PTPRT: variants seen among roughly 807,000 people sequenced by gnomAD.
PTPRT encodes the protein receptor-type tyrosine-protein phosphatase T.
PTPRT carries 56 observed loss-of-function variants against 176.8 expected under a neutral mutation model. The observed-to-expected ratio is 0.32, with a 90% CI of 0.26 to 0.40. The LOEUF is 0.40. PTPRT is among the 10% of genes least tolerant of loss of function. The pLI is 1.00. For synonymous variants in PTPRT, 783 were observed against 739.0 expected, an observed-to-expected ratio of 1.06 and a Z score of -0.96; for missense variants, 1,540 against 1,908.2, an observed-to-expected ratio of 0.81 and a Z score of 3.60.
Position 42,248,715 on chromosome 20 carries a change from G to C in PTPRT, c.2284C>G (p.Leu762Val). 1 of 1,613,998 alleles carries C rather than the reference G, an allele frequency of 6.2e-7. No homozygotes were observed. The highest frequency in any genetic ancestry group is 1.3e-5 in the African/African-American group (1 of 75,020). Reference sequence around the variant, plus strand: ...CTTTTGATGGTGAGCATCACGCCCAGGAGAATGATGATGAACATGAGGAGG... The same window carrying C: ...CTTTTGATGGTGAGCATCACGCCCACGAGAATGATGATGAACATGAGGAGG... ...AGLLMFIIIL[L>V]GVMLTIKRRR... The change falls in exon 14 of 31, where the codon CTG becomes GTG. Residue 762 changes from leucine (L) to valine (V), a missense_variant. By Grantham distance (32) the Leu-to-Val change is conservative (BLOSUM62 1). Around this residue, in one of 11 missense-constraint regions of PTPRT, gnomAD observed 255 missense variants for 250.1 expected, o/e 1.02. Transcript: ENST00000373187.
chr20:42,664,667 C>T (rs975484489), intron 7 of PTPRT, among the ~76,000 whole-genome samples: 25 of 152,088 alleles, frequency 1.6e-4, no homozygotes, highest in African/African-American at 6.0e-4. Flanking sequence ...TGGGGTCCTG[C>T]TATGTTGCCC....
At chr20:42,645,376 A>G (rs959071681) in intron 7 of PTPRT, among the ~76,000 whole-genome samples, 2 of 152,188 alleles carry the variant, frequency 1.3e-5, no homozygotes, top group African/African-American at 4.8e-5. Context: ...TTTCTAAGGT[A>G]TATGTGTGTC....
intron 8 of PTPRT, among the ~76,000 whole-genome samples, chr20:42,449,386 C>G (rs867395210): frequency 6.6e-6 from 1 of 152,200 alleles, no homozygotes; most frequent in South Asian, 2.1e-4. Context: ...TTACAACAGT[C>G]TGGAAGACGG....
At position 42,726,057 on chromosome 20, in the gene PTPRT, TTTATTATTA is replaced by T. The variant is rs59329244; in HGVS notation, c.859+30396_859+30404del. Among the ~76,000 whole-genome samples, 591 of 142,298 alleles carry T rather than the reference TTTATTATTA, an allele frequency of 4.2e-3. 5 individuals carry two copies. Among genetic ancestry groups the T allele is most frequent in the African/African-American group, 0.013 (499 of 38,486 alleles). The allele number at this position is 142,298 out of a possible 152,430, so 93.4% of individuals were successfully genotyped here. ...TTCTGGACAGTAGAATGTGGGCATC[TTTATTATTA>T]TTATTATTATTATTATTATTATTAT... is the stretch of plus-strand genomic sequence containing the variant. On this transcript the variant is annotated intron_variant, in intron 6 of 30. Transcript: ENST00000373187.
rs191728796 is a variant in PTPRT at position 42,754,235 on chromosome 20, G to T, written c.859+2227C>A. Among the ~76,000 whole-genome samples the T allele has an allele frequency of 7.9e-5, 12 of 152,260 alleles. No homozygotes were observed. In the East Asian group the frequency reaches 2.3e-3, roughly 29 times the overall value. Reference sequence around the variant, plus strand: ...GAGTCTCGCTCAGCCGCCCAGGCTGGATTGCAGTGGCATGATCTCAGCTCA... The same window carrying T: ...GAGTCTCGCTCAGCCGCCCAGGCTGTATTGCAGTGGCATGATCTCAGCTCA... On this transcript the variant is annotated intron_variant, in intron 6 of 30. Transcript: ENST00000373187.
intron 12 of PTPRT, among the ~76,000 whole-genome samples, chr20:42,295,513 G>C (rs1207149638): frequency 6.6e-6 from 1 of 152,114 alleles, no homozygotes; most frequent in East Asian, 1.9e-4. Flanking sequence ...AAGGACTGAT[G>C]GGTAAAAGTT....
In PTPRT at chr20:42,686,457, C is replaced by CTTTT. The variant is rs71193668; in HGVS notation, c.860-8302_860-8299dup. ...TAGCACTTCCAGCTCATAGTGCACT[C>CTTTT]TTTTTTTTTTTTTTTTTTTTTTTTT... is the stretch of plus-strand genomic sequence containing the variant. On this transcript the variant is annotated intron_variant, in intron 6 of 30. Transcript: ENST00000373187. 4 of 78,372 alleles carry CTTTT rather than the reference C, an allele frequency of 5.1e-5. 1 individual carries two copies. The highest frequency in any genetic ancestry group is 9.3e-5 in the Non-Finnish European group (4 of 43,118). The allele number at this position is 78,372 out of a possible 1,614,324, so 4.9% of individuals were successfully genotyped here. A position where few individuals can be genotyped will look rare whatever the true frequency, so the allele number is the denominator to read the frequency against.
chr20:42,417,450 A>G (rs186882834), intron 9 of PTPRT, among the ~76,000 whole-genome samples: 307 of 152,186 alleles, frequency 2.0e-3, no homozygotes, highest in Non-Finnish European at 3.2e-3. Flanking sequence ...ACACAAAAAG[A>G]GGCTACCCCT....
intron 27 of PTPRT, among the ~76,000 whole-genome samples, chr20:42,093,814 G>A (rs997193241): frequency 6.6e-6 from 1 of 152,252 alleles, no homozygotes; most frequent in Non-Finnish European, 1.5e-5. Flanking sequence ...TCCAGGTGCT[G>A]AGGGCGGCTT....
At chr20:42,308,398 C>T (rs927521673) in intron 12 of PTPRT, among the ~76,000 whole-genome samples, 1 of 151,926 alleles carries the variant, frequency 6.6e-6, no homozygotes, top group African/African-American at 2.4e-5. Context: ...TGAGTCAAGG[C>T]GGTCATCAGC....
In PTPRT at chr20:42,728,845, T is replaced by A. The variant is rs577230844; in HGVS notation, c.859+27617A>T. On this transcript the variant is annotated intron_variant, in intron 6 of 30. Transcript: ENST00000373187. ...ACCTTTGAAGTTAGGGGAAATCATC[T>A]CATTTAACTTCACATCCTAGCCACT... Among the ~76,000 whole-genome samples, 47 of 152,344 alleles carry A rather than the reference T, an allele frequency of 3.1e-4. 1 individual carries two copies. The South Asian group carries it at 9.1e-3, about 30-fold the overall frequency.
rs1333474642 is a variant in PTPRT, at chr20:42,078,587, G to T, written c.*2292C>A. ...GGAGTCTTGGCCAACACGAAGCTGA[G>T]TGCATCTCTCTAAAGCTCCATGGAC... On this transcript the variant is annotated 3_prime_UTR_variant, in exon 31 of 31. Coordinates refer to ENST00000373187, the MANE Select transcript of PTPRT (RefSeq NM_007050.6). 5.3e-6 allele frequency: 1 copy of T among 187,750 alleles called. No homozygotes were observed. Among genetic ancestry groups the T allele is most frequent in the Non-Finnish European group, 1.1e-5 (1 of 88,788 alleles). The allele number at this position is 187,750 out of a possible 1,614,324, so 11.6% of individuals were successfully genotyped here.
intron 7 of PTPRT, among the ~76,000 whole-genome samples, chr20:42,590,904 A>C (rs1485467373): frequency 6.6e-6 from 1 of 151,312 alleles, no homozygotes; most frequent in Non-Finnish European, 1.5e-5. Context: ...GCAGAAATAG[A>C]TCTAAATGTT....
intron 7 of PTPRT, among the ~76,000 whole-genome samples, chr20:42,651,657 G>T (rs1488321471): frequency 6.6e-6 from 1 of 152,162 alleles, no homozygotes; most frequent in Non-Finnish European, 1.5e-5. Context: ...GACACTGGAA[G>T]CTTCATCTAG....
intron 1 of PTPRT, among the ~76,000 whole-genome samples, chr20:42,899,591 ATTG>A (rs1231583093): frequency 6.6e-6 from 1 of 152,196 alleles, no homozygotes; most frequent in Non-Finnish European, 1.5e-5. Flanking sequence ...ACATTCTAAA[ATTG>A]TTTATTTACT....
intron 8 of PTPRT, among the ~76,000 whole-genome samples, chr20:42,452,608 G>A (rs1157425696): frequency 6.6e-6 from 1 of 152,074 alleles, no homozygotes; most frequent in Non-Finnish European, 1.5e-5. Context: ...TCATTCATTT[G>A]AGGGTCTATC....
At chr20:42,032,912 T>A in the PTPRT span, among the ~76,000 whole-genome samples, 2 of 152,288 alleles carry the variant, frequency 1.3e-5, no homozygotes, top group South Asian at 4.1e-4. Flanking sequence ...ACCATATGAA[T>A]GAGCTTGGAT....
At chr20:42,707,108 C>A (rs2076071751) in intron 6 of PTPRT, among the ~76,000 whole-genome samples, 1 of 152,232 alleles carries the variant, frequency 6.6e-6, no homozygotes, top group Admixed American at 6.5e-5. Flanking sequence ...GCCCTGCTAA[C>A]ACCTTGCTGT....
At chr20:42,533,288 T>C (rs986933678) in intron 7 of PTPRT, among the ~76,000 whole-genome samples, 1 of 152,200 alleles carries the variant, frequency 6.6e-6, no homozygotes, top group African/African-American at 2.4e-5. Flanking sequence ...ACAAGCTCAG[T>C]GTTCCTTTGC....
Sources: gnomAD v4.1 joint callset for allele counts (sites outside exome capture counted in the v4.1 genomes callset) on GRCh38, gnomAD v4.1.1 for gene constraint, gnomAD v4.1.1 regional missense constraint, MANE v1.5 for transcripts, NCBI Gene and HGNC (gene_info 2026-07-23, HGNC 2026-07-21) for gene names.